CDH11: variants seen among roughly 807,000 people sequenced by gnomAD.
CDH11 encodes the protein cadherin 11.
CDH11 carries 11 observed loss-of-function variants against 67.8 expected under a neutral mutation model. That is an observed-to-expected ratio of 0.16 (90% CI 0.10 to 0.27). CDH11 has a LOEUF of 0.27. Ranked by LOEUF, CDH11 falls within the 10% of genes least tolerant of loss-of-function variation. The pLI, the probability that CDH11 is intolerant of heterozygous loss-of-function variation, is 1.00. For synonymous variants in CDH11, 419 were observed against 400.0 expected (o/e 1.05, Z -0.57); for missense variants, 847 against 1,031.2 (o/e 0.82, Z 2.45).
At chr16:64,975,236 A>G (rs1182428714) in intron 8 of CDH11, among the ~76,000 whole-genome samples, 3 of 152,206 alleles carry the variant, frequency 2.0e-5, no homozygotes, top group African/African-American at 7.2e-5. Context: ...TTTGTTGTTG[A>G]TGCTGCTGTT....
At chr16:65,052,932 C>CT (rs1451423276) in intron 2 of CDH11, among the ~76,000 whole-genome samples, 1 of 152,090 alleles carries the variant, frequency 6.6e-6, no homozygotes, top group Non-Finnish European at 1.5e-5. Context: ...GGTTGAGAGG[C>CT]TTAAAGTATT....
intron 2 of CDH11, among the ~76,000 whole-genome samples, chr16:65,050,111 G>C (rs2074030115): frequency 6.6e-6 from 1 of 152,138 alleles, no homozygotes; most frequent in Non-Finnish European, 1.5e-5. Flanking sequence ...CTTGAGCAAA[G>C]GGCAAATCTC....
chr16:64,994,331 T>C (rs1446268843), intron 4 of CDH11, among the ~76,000 whole-genome samples: 2 of 152,246 alleles, frequency 1.3e-5, no homozygotes, highest in African/African-American at 4.8e-5. Flanking sequence ...AATTTCCTTC[T>C]AGAACTCTGC....
intron 1 of CDH11, among the ~76,000 whole-genome samples, chr16:65,086,623 C>A (rs2074703611): frequency 1.3e-5 from 2 of 152,184 alleles, no homozygotes; most frequent in African/African-American, 4.8e-5. Flanking sequence ...ACTTCTCAAG[C>A]TTTAGGTAGC....
chr16:65,016,462 G>C (rs756731371), intron 2 of CDH11, among the ~76,000 whole-genome samples: 4 of 152,130 alleles, frequency 2.6e-5, no homozygotes, highest in Non-Finnish European at 4.4e-5. Context: ...GCAATATTAA[G>C]TGTCTTTTGT....
At chr16:65,061,086 C>T (rs976444541) in intron 1 of CDH11, among the ~76,000 whole-genome samples, 5 of 152,202 alleles carry the variant, frequency 3.3e-5, no homozygotes, top group African/African-American at 1.2e-4. Flanking sequence ...CCTCAGGATT[C>T]CCTTAGTGTA....
At chr16:65,115,012 G>A (rs1567588455) in intron 1 of CDH11, among the ~76,000 whole-genome samples, 1 of 152,192 alleles carries the variant, frequency 6.6e-6, no homozygotes, top group Non-Finnish European at 1.5e-5. Flanking sequence ...TTGAAATGGA[G>A]ACGATTTATC....
intron 1 of CDH11, among the ~76,000 whole-genome samples, chr16:65,114,593 T>G (rs2075211474): frequency 6.6e-6 from 1 of 152,094 alleles, no homozygotes. Flanking sequence ...AAGTTGTCTC[T>G]CTCTCCTTCC....
intron 4 of CDH11, among the ~76,000 whole-genome samples, chr16:64,997,797 C>G (rs1281362249): frequency 6.6e-6 from 1 of 152,166 alleles, no homozygotes; most frequent in East Asian, 1.9e-4. Flanking sequence ...GATTCCTATA[C>G]TTGCTGGATT....
rs2142633936 is a variant in CDH11 at position 65,034,051 on chromosome 16, CT to C, written c.-173+19752del. Reference sequence around the variant, plus strand: ...TGTCTCCCAAAAAGATGTTGAAGCCCTAACCGCTAGTTTCAGTAAATCTGAC... The same window carrying C: ...TGTCTCCCAAAAAGATGTTGAAGCCCAACCGCTAGTTTCAGTAAATCTGAC... On this transcript the variant is annotated intron_variant, in intron 2 of 12. Transcript: ENST00000268603. Among the ~76,000 whole-genome samples, 3 of 152,288 alleles carry C rather than the reference CT, an allele frequency of 2.0e-5. No homozygotes were observed. In the East Asian group the frequency reaches 5.8e-4, roughly 29 times the overall value.
chr16:65,074,925 A>G lies in CDH11; in HGVS notation c.-297-20997T>C, dbSNP rs146105582. Among the ~76,000 whole-genome samples the G allele has an allele frequency of 2.4e-3, 362 of 152,334 alleles. 2 individuals carry two copies. The highest frequency in any genetic ancestry group is 8.0e-3 in the African/African-American group (334 of 41,574). ...GTTAATATTCTCTATTAAAGTGTATATACTTGGAAATTACCAAACACACAG... is the reference window on the plus strand; with the variant it reads ...GTTAATATTCTCTATTAAAGTGTATGTACTTGGAAATTACCAAACACACAG... On this transcript the variant is annotated intron_variant, in intron 1 of 12. Coordinates refer to ENST00000268603, the MANE Select transcript of CDH11 (RefSeq NM_001797.4).
intron 6 of CDH11, among the ~76,000 whole-genome samples, chr16:64,991,054 G>C (rs2072617527): frequency 1.3e-5 from 2 of 152,160 alleles, no homozygotes; most frequent in Non-Finnish European, 2.9e-5. Flanking sequence ...TGACTCCAGT[G>C]GAAACATTTG....
intron 2 of CDH11, among the ~76,000 whole-genome samples, chr16:65,047,357 TGG>T (rs1741584183): frequency 1.3e-5 from 2 of 148,260 alleles, no homozygotes; most frequent in African/African-American, 5.2e-5. Flanking sequence ...TGTTTGTTTT[TGG>T]TTTTTTTTTT....
chr16:65,112,911 G>A (rs188720523), intron 1 of CDH11, among the ~76,000 whole-genome samples: 7 of 152,274 alleles, frequency 4.6e-5, no homozygotes, highest in Middle Eastern at 3.4e-3. Flanking sequence ...ATCAGAGGGC[G>A]CAGCTTTACA....
At chr16:65,069,478 T>C (rs909363101) in intron 1 of CDH11, among the ~76,000 whole-genome samples, 2 of 152,182 alleles carry the variant, frequency 1.3e-5, no homozygotes, top group African/African-American at 2.4e-5. Flanking sequence ...TCATGACACA[T>C]GGAGTACCTC....
chr16:65,119,749 T>C (rs916488101), intron 1 of CDH11, among the ~76,000 whole-genome samples: 3 of 152,208 alleles, frequency 2.0e-5, no homozygotes, highest in Non-Finnish European at 4.4e-5. Context: ...ATAGTAATAA[T>C]TTTTATTAAT....
Position 64,947,482 on chromosome 16 carries a change from G to T in CDH11, c.*121C>A. Reference sequence around the variant, plus strand: ...CAGTTTTATTAAATGTATCCTCTCTGTAAAACTTTGCCTGTTTTAAATGAG... The same window carrying T: ...CAGTTTTATTAAATGTATCCTCTCTTTAAAACTTTGCCTGTTTTAAATGAG... On this transcript the variant is annotated 3_prime_UTR_variant, in exon 13 of 13. Coordinates refer to ENST00000268603, the MANE Select transcript of CDH11 (RefSeq NM_001797.4). 1 of 1,500,572 alleles carries T rather than the reference G, an allele frequency of 6.7e-7. No homozygotes were observed. Among genetic ancestry groups the T allele is most frequent in the Non-Finnish European group, 8.9e-7 (1 of 1,127,524 alleles). 93.0% of individuals were successfully genotyped at this position (1,500,572 alleles called of 1,614,324 possible).
intron 1 of CDH11, among the ~76,000 whole-genome samples, chr16:65,090,148 G>A (rs2074770596): frequency 6.6e-6 from 1 of 151,690 alleles, no homozygotes; most frequent in Non-Finnish European, 1.5e-5. Flanking sequence ...ATTCAGATAC[G>A]GAAATAAACA....
intron 2 of CDH11, among the ~76,000 whole-genome samples, chr16:65,047,511 T>C (rs1416640884): frequency 6.6e-6 from 1 of 151,582 alleles, no homozygotes; most frequent in Non-Finnish European, 1.5e-5. Context: ...ACCACCATGC[T>C]CAGCTGATTT....
Sources: allele counts gnomAD v4.1 joint callset (sites outside exome capture counted in the v4.1 genomes callset), GRCh38; gene constraint gnomAD v4.1.1; transcripts MANE v1.5; gene names NCBI Gene and HGNC (gene_info 2026-07-23, HGNC 2026-07-21).